NAALAD2: variants seen among roughly 807,000 people sequenced by gnomAD.
NAALAD2 encodes N-acetylated-alpha-linked acidic dipeptidase 2.
A neutral mutation model predicts 95.6 loss-of-function variants in NAALAD2; 89 were observed. That is an observed-to-expected ratio of 0.93 (90% CI 0.78 to 1.11). The LOEUF is 1.11. NAALAD2 is among the 50% of genes least tolerant of loss of function. NAALAD2 has a pLI of 0.00. For synonymous variants in NAALAD2, 264 were observed against 294.4 expected, an observed-to-expected ratio of 0.90 and a Z score of 1.06; for missense variants, 894 against 872.4, an observed-to-expected ratio of 1.02 and a Z score of -0.31.
intron 11 of NAALAD2, among the ~76,000 whole-genome samples, 197 bp from the exon 12 acceptor site, chr11:90,168,729 ATTC>A (rs1952550316): frequency 6.6e-6 from 1 of 152,130 alleles, no homozygotes; most frequent in Non-Finnish European, 1.5e-5. Flanking sequence ...AGTATCCTTA[ATTC>A]TTATATTAAT....
intron 18 of NAALAD2, among the ~76,000 whole-genome samples, chr11:90,185,406 C>T (rs1472395036): frequency 2.0e-5 from 3 of 151,916 alleles, no homozygotes; most frequent in Non-Finnish European, 2.9e-5. Context: ...TGAGGTGGCT[C>T]ACACTTGTAA....
At chr11:90,167,439 C>G (rs1285434517) in intron 11 of NAALAD2, among the ~76,000 whole-genome samples, 1 of 152,188 alleles carries the variant, frequency 6.6e-6, no homozygotes, top group Non-Finnish European at 1.5e-5. Context: ...CCGCCGCGGC[C>G]GCTGCACAGC....
At chr11:90,131,920 C>T (rs1235681181), upstream of NAALAD2, 3 of 152,124 alleles carry the variant, frequency 2.0e-5, no homozygotes, top group Non-Finnish European at 4.4e-5. Flanking sequence ...TTTTTATATA[C>T]TATTAGCTTT....
intron 2 of NAALAD2, among the ~76,000 whole-genome samples, chr11:90,139,760 C>A (rs1020090849): frequency 2.6e-5 from 4 of 151,944 alleles, no homozygotes; most frequent in Non-Finnish European, 5.9e-5. Context: ...CACATAAAAG[C>A]TACATTTTCA....
At chr11:90,177,586 G>GGTTTTTTTTT (rs1952832778) in intron 15 of NAALAD2, among the ~76,000 whole-genome samples, 1 of 28,456 alleles carries the variant, frequency 3.5e-5, no homozygotes, top group Non-Finnish European at 6.2e-5. Context: ...TCTTTTTCTT[G>GGTTTTTTTTT]TTTTTTTTTT....
At chr11:90,142,554 C>T (rs945309968) in intron 2 of NAALAD2, among the ~76,000 whole-genome samples, 1 of 152,056 alleles carries the variant, frequency 6.6e-6, no homozygotes. Context: ...TTAAAATGTA[C>T]CCTCTATAGA....
intron 11 of NAALAD2, among the ~76,000 whole-genome samples, chr11:90,164,752 T>C (rs369801530): frequency 4.9e-4 from 75 of 152,296 alleles, no homozygotes; most frequent in African/African-American, 1.7e-3. Flanking sequence ...TTTTCACATG[T>C]ATATCATTTT....
intron 6 of NAALAD2, among the ~76,000 whole-genome samples, chr11:90,155,712 G>GTATGTATGTAATACATACATACA (rs1392907232): frequency 4.6e-5 from 2 of 43,780 alleles, no homozygotes; most frequent in African/African-American, 3.2e-4. Context: ...TATTATTATT[G>GTATGTATGTAATACATACATACA]TATGTATGTA....
intron 2 of NAALAD2, among the ~76,000 whole-genome samples, chr11:90,145,256 A>T (rs537864318): frequency 6.6e-6 from 1 of 152,260 alleles, no homozygotes; most frequent in African/African-American, 2.4e-5. Flanking sequence ...TGTAATGCCC[A>T]TCTTGGGACC....
chr11:90,134,747 C>T lies in NAALAD2; in HGVS notation c.-12C>T. On this transcript the variant is annotated 5_prime_UTR_variant, in exon 1 of 19. Transcript: ENST00000534061. ...ATGTAGCAGGCGCCCCAAGCTCGGT[C>T]CTCAAGAAGCCATGGCGGAATCCAG... is the stretch of plus-strand genomic sequence containing the variant. 1 of 1,613,522 alleles carries T rather than the reference C, an allele frequency of 6.2e-7. No individual in the cohort carries two copies. The highest frequency in any genetic ancestry group is 1.1e-5 in the South Asian group (1 of 91,036).
chr11:90,155,368 T>C (rs1351631185), intron 6 of NAALAD2, among the ~76,000 whole-genome samples: 1 of 79,056 alleles, frequency 1.3e-5, no homozygotes, highest in African/African-American at 5.7e-5. Context: ...GTATAATATG[T>C]AATATTACAT....
At chr11:90,155,319 T>A (rs1325384420) in intron 6 of NAALAD2, among the ~76,000 whole-genome samples, 7 of 119,546 alleles carry the variant, frequency 5.9e-5, no homozygotes, top group East Asian at 2.3e-4. Context: ...ATATTATATA[T>A]AATATATAAT....
intron 2 of NAALAD2, among the ~76,000 whole-genome samples, chr11:90,142,466 C>T (rs953887667): frequency 3.9e-5 from 6 of 152,160 alleles, no homozygotes; most frequent in East Asian, 1.9e-4. Context: ...AATGGAGCCA[C>T]GTCAGCCTTC....
chr11:90,168,208 G>A (rs776602068), intron 11 of NAALAD2, among the ~76,000 whole-genome samples: 1 of 152,252 alleles, frequency 6.6e-6, no homozygotes, highest in South Asian at 2.1e-4. Context: ...CTGAGCCAGC[G>A]AGACCACAAA....
Position 90,152,357 on chromosome 11 carries a change from C to T in NAALAD2, c.669C>T (p.Asp223=), listed in dbSNP as rs140831197. The change falls in exon 6 of 19, where the codon GAC becomes GAT. Residue 223 remains aspartate, a synonymous_variant. Transcript: ENST00000534061. Reference sequence around the variant, plus strand: ...TCATCTTGTACTCAGATCCAGCTGACTACTTTGCTCCTGAGGTACAGCCAT... The same window carrying T: ...TCATCTTGTACTCAGATCCAGCTGATTACTTTGCTCCTGAGGTACAGCCAT... The part of the protein sequence containing the change: ...IGIILYSDPA[D]YFAPEVQPYP... 5 of 1,613,622 alleles carry T rather than the reference C, an allele frequency of 3.1e-6. No individual in the cohort carries two copies. In the East Asian group the frequency reaches 1.1e-4, roughly 36 times the overall value.
rs770996887 is a variant in NAALAD2, at chr11:90,178,054, G to A, written c.1795G>A (p.Ala599Thr). ...TGCAGAAGCTTTGAAAAACTATGCA[G>A]CAAGTATCTATAATCTATCTAAGAA... is the stretch of plus-strand genomic sequence containing the variant. ...DYAEALKNYAASIYNLSKKHD... is the reference protein window; with the variant it reads ...DYAEALKNYATSIYNLSKKHD... The change falls in exon 16 of 19, where the codon GCA (alanine) becomes ACA (threonine). Residue 599 changes from alanine to threonine, a missense_variant. Coordinates refer to ENST00000534061, the MANE Select transcript of NAALAD2 (RefSeq NM_005467.4). 6.2e-6 allele frequency: 10 copies of A among 1,613,554 alleles called. No individual in the cohort carries two copies. The highest frequency in any genetic ancestry group is 4.5e-5 in the East Asian group (2 of 44,812).
At chr11:90,159,133 A>G (rs1952209725) in intron 7 of NAALAD2, 106 bp from the exon 8 acceptor site, 1 of 882,820 alleles carries the variant, frequency 1.1e-6, no homozygotes, top group African/African-American at 1.7e-5. Context: ...TTAGTAAATG[A>G]CAAATATTTG....
rs76331468 is a variant in NAALAD2, at chr11:90,144,123, C to G, written c.195-3207C>G. On this transcript the variant is annotated intron_variant, in intron 2 of 18. Coordinates refer to ENST00000534061, the MANE Select transcript of NAALAD2 (RefSeq NM_005467.4). ...CATCACTTGAAGAGAGATACACATACAAAAATTACACACCAAGAATGATGA... is the reference window on the plus strand; with the variant it reads ...CATCACTTGAAGAGAGATACACATAGAAAAATTACACACCAAGAATGATGA... Among the ~76,000 whole-genome samples the G allele has an allele frequency of 6.0e-3, 913 of 152,024 alleles. 4 individuals carry two copies. The highest frequency in any genetic ancestry group is 0.021 in the African/African-American group (869 of 41,466).
At chr11:90,134,629 G>A (rs900987915), upstream of NAALAD2, 15 of 779,562 alleles carry the variant, frequency 1.9e-5, no homozygotes, top group Non-Finnish European at 3.0e-5. Context: ...GTAGGGCGGA[G>A]GCGTGGCCTT....
Sources: gnomAD v4.1 joint callset for allele counts (sites outside exome capture counted in the v4.1 genomes callset) on GRCh38, gnomAD v4.1.1 for gene constraint, MANE v1.5 for transcripts, NCBI Gene and HGNC (gene_info 2026-07-23, HGNC 2026-07-21) for gene names.